The following OSBPL1A variants were observed in gnomAD, a reference collection of about 807,000 sequenced individuals.
OSBPL1A encodes oxysterol-binding protein-related protein 1.
In OSBPL1A, 80 loss-of-function variants were observed where a neutral mutation model predicts 137.1. The ratio of observed to expected loss-of-function variants is 0.58; its 90% CI spans 0.49 to 0.70. The LOEUF is 0.70. Ranked by LOEUF, OSBPL1A falls within the 30% of genes least tolerant of loss-of-function variation. The pLI is 0.00. For missense variants in OSBPL1A, 970 were observed against 1,129.4 expected (o/e 0.86, Z 2.02); for synonymous variants, 365 against 389.7 (o/e 0.94, Z 0.75).
rs776133576 is a variant in OSBPL1A, at chr18:24,250,152, G to GTTTTT, written c.1282-10775_1282-10771dup. ...CTTAGCTCCCAGAAGGCGTTTGTGTGTTTTTGTTTGTTTGTTTGTTTGTTT... is the reference window on the plus strand; with the variant it reads ...CTTAGCTCCCAGAAGGCGTTTGTGTGTTTTTTTTTTGTTTGTTTGTTTGTTTGTTT... On this transcript the variant is annotated intron_variant, in intron 15 of 27. Coordinates refer to ENST00000319481, the MANE Select transcript of OSBPL1A (RefSeq NM_080597.4). Among the ~76,000 whole-genome samples the GTTTTT allele has an allele frequency of 3.9e-3, 282 of 71,980 alleles. 1 individual carries two copies. The highest frequency in any genetic ancestry group is 6.6e-3 in the Middle Eastern group (1 of 152). The allele number at this position is 71,980 out of a possible 152,430, so 47.2% of individuals were successfully genotyped here.
At chr18:24,202,000 G>A (rs893323733) in intron 17 of OSBPL1A, among the ~76,000 whole-genome samples, 4 of 152,162 alleles carry the variant, frequency 2.6e-5, no homozygotes, top group Admixed American at 6.5e-5. Context: ...GCTGCCAGGC[G>A]TTTCATGCTT....
intron 18 of OSBPL1A, 83 bp downstream of exon 18, chr18:24,196,042 A>G (rs952522372): frequency 8.9e-7 from 1 of 1,121,768 alleles, no homozygotes; most frequent in African/African-American, 1.5e-5. Context: ...GCACCACTTT[A>G]ATGCAAACTT....
intron 17 of OSBPL1A, among the ~76,000 whole-genome samples, chr18:24,202,147 T>C (rs1394361260): frequency 6.6e-6 from 1 of 152,092 alleles, no homozygotes; most frequent in Admixed American, 6.5e-5. Context: ...ATGGAGGCTA[T>C]AAAAGAACCG....
At position 24,182,876 on chromosome 18, in the gene OSBPL1A, T is replaced by C. The variant is rs1381992421; in HGVS notation, c.1678-1597A>G. On this transcript the variant is annotated intron_variant, in intron 18 of 27. Transcript: ENST00000319481. Reference sequence around the variant, plus strand: ...CCAGGCTCTCTTTCTTCTATTTTTCTTTTTTTTTTTGAGATGGAGTCTCAC... The same window carrying C: ...CCAGGCTCTCTTTCTTCTATTTTTCCTTTTTTTTTTGAGATGGAGTCTCAC... Among the ~76,000 whole-genome samples, 3 of 143,950 alleles carry C rather than the reference T, an allele frequency of 2.1e-5. No individual in the cohort carries two copies. The East Asian group carries it at 6.0e-4, about 29-fold the overall frequency. 94.4% of individuals were successfully genotyped at this position (143,950 alleles called of 152,430 possible). A position where few individuals can be genotyped will look rare whatever the true frequency, so the allele number is the denominator to read the frequency against.
At chr18:24,374,826 G>A (rs1244314985) in intron 2 of OSBPL1A, among the ~76,000 whole-genome samples, 1 of 152,112 alleles carries the variant, frequency 6.6e-6, no homozygotes, top group Non-Finnish European at 1.5e-5. Flanking sequence ...TTCTACCTGA[G>A]TTTCACGTCA....
At chr18:24,300,781 TAAG>T (rs1246682943) in intron 14 of OSBPL1A, among the ~76,000 whole-genome samples, 1 of 152,208 alleles carries the variant, frequency 6.6e-6, no homozygotes, top group East Asian at 1.9e-4. Context: ...GCAGACTATG[TAAG>T]AAGTCTGGAG....
At chr18:24,192,004 T>C (rs2086901807) in intron 18 of OSBPL1A, among the ~76,000 whole-genome samples, 1 of 152,232 alleles carries the variant, frequency 6.6e-6, no homozygotes. Context: ...TAGCTACCTT[T>C]AAAAGAATGA....
intron 4 of OSBPL1A, among the ~76,000 whole-genome samples, chr18:24,362,276 G>C (rs968023823): frequency 9.2e-5 from 14 of 152,208 alleles, no homozygotes; most frequent in African/African-American, 3.1e-4. Context: ...CACGTAGTCA[G>C]GCAAATCGAG....
chr18:24,286,357 T>C (rs934689910), intron 14 of OSBPL1A, among the ~76,000 whole-genome samples: 4 of 152,178 alleles, frequency 2.6e-5, no homozygotes, highest in Non-Finnish European at 5.9e-5. Context: ...AATAGAAATC[T>C]ATTTTTTGTT....
At chr18:24,395,538 C>A (rs1257795496) in intron 1 of OSBPL1A, among the ~76,000 whole-genome samples, 1 of 152,174 alleles carries the variant, frequency 6.6e-6, no homozygotes, top group African/African-American at 2.4e-5. Flanking sequence ...TCAAAAAAGA[C>A]TGGCTGTATT....
At chr18:24,360,431 C>T (rs2091604511) in intron 4 of OSBPL1A, among the ~76,000 whole-genome samples, 1 of 152,168 alleles carries the variant, frequency 6.6e-6, no homozygotes, top group African/African-American at 2.4e-5. Flanking sequence ...AATGAGATAA[C>T]TTGATTCTTT....
intron 15 of OSBPL1A, among the ~76,000 whole-genome samples, chr18:24,262,810 C>T (rs28650870): frequency 0.057 from 8,638 of 151,154 alleles, 264 homozygotes; most frequent in Middle Eastern, 0.078. Context: ...CAGGCAACCA[C>T]TGCTCTGACT....
At chr18:24,305,761 G>C (rs2090487675) in intron 13 of OSBPL1A, among the ~76,000 whole-genome samples, 1 of 152,080 alleles carries the variant, frequency 6.6e-6, no homozygotes, top group Non-Finnish European at 1.5e-5. Flanking sequence ...GGAGGTAATT[G>C]AATCATGGGG....
At chr18:24,272,397 T>A (rs1298429043) in intron 15 of OSBPL1A, among the ~76,000 whole-genome samples, 1 of 152,022 alleles carries the variant, frequency 6.6e-6, no homozygotes, top group Non-Finnish European at 1.5e-5. Context: ...TGAAAGGCAG[T>A]CTTCACATAT....
At chr18:24,197,541 C>A (rs889571974) in intron 17 of OSBPL1A, among the ~76,000 whole-genome samples, 4 of 152,052 alleles carry the variant, frequency 2.6e-5, no homozygotes, top group African/African-American at 9.7e-5. Flanking sequence ...CTTCTAGTTT[C>A]TTTTTCTTTT....
intron 14 of OSBPL1A, among the ~76,000 whole-genome samples, chr18:24,294,797 AT>A (rs1291220722): frequency 5.3e-5 from 8 of 152,086 alleles, no homozygotes; most frequent in Non-Finnish European, 1.5e-5. Flanking sequence ...ATACCACGTT[AT>A]TTATCCATTC....
chr18:24,257,370 T>C (rs1229020960), intron 15 of OSBPL1A, among the ~76,000 whole-genome samples: 1 of 152,004 alleles, frequency 6.6e-6, no homozygotes, highest in African/African-American at 2.4e-5. Context: ...CAAGAACATA[T>C]ATTGGAGAAA....
chr18:24,309,384 A>G (rs1383500402), intron 13 of OSBPL1A, among the ~76,000 whole-genome samples: 2 of 152,086 alleles, frequency 1.3e-5, no homozygotes, highest in South Asian at 2.1e-4. Flanking sequence ...GGGACTCACT[A>G]TATTGCCCAG....
At chr18:24,291,293 T>C (rs2090169915) in intron 14 of OSBPL1A, among the ~76,000 whole-genome samples, 2 of 152,152 alleles carry the variant, frequency 1.3e-5, no homozygotes, top group South Asian at 2.1e-4. Context: ...TAAAAGAACA[T>C]GTCACTATGG....
Sources: gnomAD v4.1 joint callset for allele counts (sites outside exome capture counted in the v4.1 genomes callset) on GRCh38, gnomAD v4.1.1 for gene constraint, MANE v1.5 for transcripts, NCBI Gene and HGNC (gene_info 2026-07-23, HGNC 2026-07-21) for gene names.